TMX3: variants seen among roughly 807,000 people sequenced by gnomAD.
TMX3 encodes thioredoxin related transmembrane protein 3, also known as protein disulfide-isomerase TMX3.
In TMX3, 40 loss-of-function variants were observed where a neutral mutation model predicts 64.4. The ratio of observed to expected loss-of-function variants is 0.62; its 90% CI spans 0.48 to 0.81. TMX3 has a LOEUF of 0.81. Among genes scored for constraint, TMX3 ranks in the 30% least tolerant of loss-of-function variants. The probability of loss-of-function intolerance (pLI) is 0.00; values close to 1 mark genes in which losing one functional copy is unlikely to be tolerated. For synonymous variants in TMX3, 189 were observed against 175.7 expected, an observed-to-expected ratio of 1.08 and a Z score of -0.60; for missense variants, 497 against 534.5, an observed-to-expected ratio of 0.93 and a Z score of 0.69.
chr18:68,689,801 C>A (rs911616036), intron 9 of TMX3: 1 of 152,114 alleles, frequency 6.6e-6, no homozygotes, highest in African/African-American at 2.4e-5. Flanking sequence ...ATATGATAAA[C>A]CTGCTATTTA....
intron 4 of TMX3, 145 bp from the exon 5 acceptor site, chr18:68,701,935 C>A: frequency 8.5e-6 from 5 of 587,546 alleles, no homozygotes; most frequent in Non-Finnish European, 1.5e-5. Context: ...TATAAAATCA[C>A]ACAAAAGAAA....
At chr18:68,681,581 T>C (rs1913437953) in intron 13 of TMX3, 1 of 985,294 alleles carries the variant, frequency 1.0e-6, no homozygotes, top group African/African-American at 1.7e-5. Flanking sequence ...AGTAAGGTGA[T>C]GCTACATTTC....
chr18:68,712,210 T>C (rs553944188), intron 2 of TMX3, among the ~76,000 whole-genome samples: 1 of 152,128 alleles, frequency 6.6e-6, no homozygotes, highest in Non-Finnish European at 1.5e-5. Flanking sequence ...CCCAGAGACA[T>C]GTCAGCTGCA....
chr18:68,714,761 G>A (rs958464101), intron 1 of TMX3, among the ~76,000 whole-genome samples, 175 bp downstream of exon 1: 1 of 152,224 alleles, frequency 6.6e-6, no homozygotes, highest in Non-Finnish European at 1.5e-5. Context: ...CAAGGTGTCC[G>A]CTCCGTCAGG....
chr18:68,694,152 T>C (rs1252403876), intron 8 of TMX3, among the ~76,000 whole-genome samples: 3 of 152,152 alleles, frequency 2.0e-5, no homozygotes, highest in Non-Finnish European at 4.4e-5. Flanking sequence ...GGGGCTGTAA[T>C]GCAAACAGGG....
intron 10 of TMX3, among the ~76,000 whole-genome samples, chr18:68,685,647 C>T (rs1913876257): frequency 1.3e-5 from 2 of 152,174 alleles, no homozygotes; most frequent in Non-Finnish European, 2.9e-5. Context: ...ATGTACCACA[C>T]ACTGGGCTGG....
intron 2 of TMX3, among the ~76,000 whole-genome samples, chr18:68,713,362 G>A (rs973071899): frequency 1.3e-5 from 2 of 152,136 alleles, no homozygotes; most frequent in African/African-American, 2.4e-5. Flanking sequence ...CTCCCTCCAG[G>A]GACTGTAATG....
At chr18:68,704,096 T>C (rs570857268) in intron 4 of TMX3, among the ~76,000 whole-genome samples, 2 of 152,218 alleles carry the variant, frequency 1.3e-5, no homozygotes, top group South Asian at 2.1e-4. Flanking sequence ...ACTCATCTCG[T>C]AGGGCTACAG....
At position 68,682,955 on chromosome 18, in the gene TMX3, C is replaced by T. The variant is rs1568180533; in HGVS notation, c.875G>A (p.Gly292Glu). Residue 292 changes from glycine (G) to glutamate (E), a missense_variant, in exon 13 of 16, where the codon GGA (glycine) becomes GAA (glutamate). Coordinates refer to ENST00000299608, the MANE Select transcript of TMX3 (RefSeq NM_019022.5). The stretch of plus-strand genomic sequence containing the variant: ...CAGCAAGGTATTTATGTAGTCATTT[C>T]CATCCATGTGGCCAAACTGAAAATC... ...HRDFQFGHMDGNDYINTLLMD... is the reference protein window; with the variant it reads ...HRDFQFGHMDENDYINTLLMD... The T allele has an allele frequency of 1.9e-6, 3 of 1,610,594 alleles. No homozygotes were observed.
At chr18:68,686,444 C>T (rs534423853) in intron 10 of TMX3, among the ~76,000 whole-genome samples, 1 of 152,310 alleles carries the variant, frequency 6.6e-6, no homozygotes, top group African/African-American at 2.4e-5. Flanking sequence ...GGCACGGTGG[C>T]TCACGCCTAT....
intron 10 of TMX3, among the ~76,000 whole-genome samples, chr18:68,686,209 G>A (rs1177926876): frequency 6.6e-6 from 1 of 152,122 alleles, no homozygotes; most frequent in Non-Finnish European, 1.5e-5. Flanking sequence ...CACAGCTGAT[G>A]CCTAACAGGG....
rs756484965 is a variant in TMX3, at chr18:68,682,972, C to T, written c.858G>A (p.Gln286=). ...AGTCATTTCCATCCATGTGGCCAAA[C>T]TGAAAATCCCTAACCACCACCAACC... ...DYRDLFHRDF[Q]FGHMDGNDYI... The change falls in exon 13 of 16, where the codon CAG becomes CAA. Residue 286 remains glutamine (Q), a synonymous_variant. Transcript: ENST00000299608. 1 of 1,608,872 alleles carries T rather than the reference C, an allele frequency of 6.2e-7. No homozygotes were observed. Among genetic ancestry groups the T allele is most frequent in the East Asian group, 2.2e-5 (1 of 44,578 alleles).
At chr18:68,714,903 C>T (rs2031797291) in intron 1 of TMX3, 33 bp downstream of exon 1, 2 of 1,549,152 alleles carry the variant, frequency 1.3e-6, no homozygotes, top group South Asian at 2.4e-5. Flanking sequence ...TCCCACGCGC[C>T]CGCCAGCGTC....
intron 8 of TMX3, among the ~76,000 whole-genome samples, chr18:68,696,542 T>A: frequency 6.6e-6 from 1 of 151,868 alleles, no homozygotes; most frequent in East Asian, 1.9e-4. Context: ...AGTCGTGCAA[T>A]CTTGTCTCAC....
intron 15 of TMX3, among the ~76,000 whole-genome samples, chr18:68,678,035 G>C (rs150548648): frequency 0.015 from 2,351 of 152,108 alleles, 29 homozygotes; most frequent in Non-Finnish European, 0.022. Flanking sequence ...GATCAAAATC[G>C]ATTATTTTAG....
chr18:68,677,355 C>T (rs946993992), intron 15 of TMX3, among the ~76,000 whole-genome samples, 162 bp from the exon 16 acceptor site: 2 of 152,128 alleles, frequency 1.3e-5, no homozygotes, highest in African/African-American at 4.8e-5. Context: ...GTGAAAGACA[C>T]TGTTAAGAGA....
chr18:68,696,113 C>T (rs1012561429), intron 8 of TMX3, among the ~76,000 whole-genome samples: 2 of 152,164 alleles, frequency 1.3e-5, no homozygotes, highest in East Asian at 1.9e-4. Context: ...CAACCTACAG[C>T]ACCCATCCCA....
At chr18:68,709,839 C>CAT (rs756464050) in intron 4 of TMX3, among the ~76,000 whole-genome samples, 182 bp downstream of exon 4, 14,538 of 152,094 alleles carry the variant, frequency 0.096, 1,996 homozygotes, top group African/African-American at 0.3. Context: ...AAGATTAACA[C>CAT]ACACTACACG....
intron 1 of TMX3, chr18:68,714,440 G>GGAGGCAGCTGA (rs1424361315): frequency 1.2e-5 from 2 of 162,206 alleles, no homozygotes; most frequent in African/African-American, 4.8e-5. Context: ...CATGCTGACG[G>GGAGGCAGCTGA]GAGGCAGCTG....
Sources: gnomAD v4.1 joint callset for allele counts (sites outside exome capture counted in the v4.1 genomes callset) on GRCh38, gnomAD v4.1.1 for gene constraint, MANE v1.5 for transcripts, NCBI Gene and HGNC (gene_info 2026-07-23, HGNC 2026-07-21) for gene names.